The following ATF6 variants were observed in gnomAD, a reference collection of about 807,000 sequenced individuals.
The protein encoded by ATF6 is activating transcription factor 6.
In ATF6, 53 loss-of-function variants were observed where a neutral mutation model predicts 83.6. The observed-to-expected ratio is 0.63, with a 90% CI of 0.51 to 0.80. The LOEUF is 0.80. ATF6 is among the 30% of genes least tolerant of loss of function. The pLI is 0.00. For missense variants in ATF6, 744 were observed against 797.9 expected, an observed-to-expected ratio of 0.93 and a Z score of 0.81; for synonymous variants, 288 against 285.8, an observed-to-expected ratio of 1.01 and a Z score of -0.08.
intron 14 of ATF6, 65 bp downstream of exon 14, chr1:161,863,377 C>A: frequency 1.9e-6 from 2 of 1,038,836 alleles, no homozygotes; most frequent in Non-Finnish European, 3.0e-6. Context: ...AGACATTGGG[C>A]TGAATATTGT....
Position 161,924,049 on chromosome 1 carries a change from G to A in ATF6, c.1804+11669G>A, listed in dbSNP as rs892876418. Among the ~76,000 whole-genome samples, 10 of 152,020 alleles carry A rather than the reference G, an allele frequency of 6.6e-5. No individual in the cohort carries two copies. The East Asian group carries it at 1.5e-3, about 23-fold the overall frequency. ...CCTCCTAATGGATTTATCTTTGTACGGGGAAATCAAGAACCTTGCACTTTG... is the reference window on the plus strand; with the variant it reads ...CCTCCTAATGGATTTATCTTTGTACAGGGAAATCAAGAACCTTGCACTTTG... On this transcript the variant is annotated intron_variant, in intron 15 of 15. Transcript: ENST00000367942.
At chr1:161,849,213 C>A (rs541651510) in intron 10 of ATF6, among the ~76,000 whole-genome samples, 1 of 152,252 alleles carries the variant, frequency 6.6e-6, no homozygotes, top group African/African-American at 2.4e-5. Context: ...TTCCTTCTCA[C>A]TCAATGCTTC....
chr1:161,885,948 T>C (rs765672474), intron 14 of ATF6, among the ~76,000 whole-genome samples: 1 of 152,238 alleles, frequency 6.6e-6, no homozygotes, highest in Non-Finnish European at 1.5e-5. Context: ...AGCTGTTTTA[T>C]AGAAGTCATT....
intron 9 of ATF6, among the ~76,000 whole-genome samples, chr1:161,821,404 T>C (rs1034010392): frequency 6.6e-6 from 1 of 152,172 alleles, no homozygotes; most frequent in Non-Finnish European, 1.5e-5. Context: ...CCTAACATAA[T>C]ATAGAGTACG....
intron 13 of ATF6, among the ~76,000 whole-genome samples, chr1:161,861,112 A>G (rs776577130): frequency 1.5e-4 from 23 of 152,206 alleles, no homozygotes; most frequent in Non-Finnish European, 2.5e-4. Context: ...AGCATGGTAC[A>G]TAAGTGCCCC....
chr1:161,894,162 AT>A (rs777001671), intron 14 of ATF6, among the ~76,000 whole-genome samples: 5 of 151,414 alleles, frequency 3.3e-5, no homozygotes, highest in Non-Finnish European at 7.4e-5. Context: ...TTTGCCTGTT[AT>A]TAGTACTTGT....
intron 15 of ATF6, among the ~76,000 whole-genome samples, chr1:161,939,106 T>C (rs997188141): frequency 6.6e-5 from 10 of 152,222 alleles, no homozygotes; most frequent in African/African-American, 2.4e-4. Context: ...CCATATTATC[T>C]TCTCCATCCT....
intron 15 of ATF6, among the ~76,000 whole-genome samples, chr1:161,922,289 T>A (rs1023446085): frequency 4.6e-5 from 7 of 152,160 alleles, no homozygotes; most frequent in Admixed American, 2.0e-4. Context: ...GGACAGTCTG[T>A]CCCCACATTA....
At chr1:161,910,855 A>G (rs1008216707) in intron 14 of ATF6, among the ~76,000 whole-genome samples, 3 of 152,188 alleles carry the variant, frequency 2.0e-5, no homozygotes, top group African/African-American at 4.8e-5. Flanking sequence ...CCTTGCTGCA[A>G]TGCTGGAATT....
At chr1:161,812,046 A>G (rs1685478448) in intron 7 of ATF6, among the ~76,000 whole-genome samples, 1 of 152,232 alleles carries the variant, frequency 6.6e-6, no homozygotes, top group Non-Finnish European at 1.5e-5. Flanking sequence ...TGAAGGAATC[A>G]ACTAGCTAAG....
chr1:161,945,043 C>A (rs956312387), intron 15 of ATF6, among the ~76,000 whole-genome samples: 1 of 152,294 alleles, frequency 6.6e-6, no homozygotes, highest in African/African-American at 2.4e-5. Flanking sequence ...GAGGTGGTGT[C>A]CATATCCTTA....
chr1:161,783,685 G>A (rs1356333676), intron 3 of ATF6, among the ~76,000 whole-genome samples: 1 of 151,616 alleles, frequency 6.6e-6, no homozygotes, highest in Non-Finnish European at 1.5e-5. Flanking sequence ...GACAACCACT[G>A]TTACCAGTTT....
chr1:161,768,325 A>G (rs573694976), intron 1 of ATF6, among the ~76,000 whole-genome samples: 39 of 152,330 alleles, frequency 2.6e-4, no homozygotes, highest in Non-Finnish European at 3.8e-4. Flanking sequence ...TCTATCGGGT[A>G]TCCTGCCCTG....
intron 15 of ATF6, among the ~76,000 whole-genome samples, chr1:161,925,401 G>C (rs1688292795): frequency 1.3e-5 from 2 of 152,048 alleles, no homozygotes; most frequent in South Asian, 2.1e-4. Flanking sequence ...TTTATTTGCT[G>C]ATTTGGATTT....
At chr1:161,838,458 G>A (rs1373370974) in intron 9 of ATF6, among the ~76,000 whole-genome samples, 4 of 152,174 alleles carry the variant, frequency 2.6e-5, no homozygotes, top group Non-Finnish European at 2.9e-5. Context: ...CTTTGCCTCC[G>A]TGGAGTGTTA....
chr1:161,913,085 C>T (rs141051084), intron 15 of ATF6, among the ~76,000 whole-genome samples: 323 of 152,182 alleles, frequency 2.1e-3, no homozygotes, highest in Non-Finnish European at 3.9e-3. Flanking sequence ...ACTCCCATTA[C>T]CAGTTGTGGA....
intron 12 of ATF6, among the ~76,000 whole-genome samples, chr1:161,855,461 T>C (rs921668912): frequency 6.6e-6 from 1 of 152,194 alleles, no homozygotes; most frequent in Non-Finnish European, 1.5e-5. Flanking sequence ...AAGTTTGTTA[T>C]GGCTATTAGG....
chr1:161,868,931 G>T (rs760237089), intron 14 of ATF6, among the ~76,000 whole-genome samples: 7 of 152,124 alleles, frequency 4.6e-5, no homozygotes, highest in Non-Finnish European at 2.9e-5. Context: ...AAAATTATTT[G>T]TTGGCAGCAT....
At chr1:161,870,454 T>G (rs1459221877) in intron 14 of ATF6, among the ~76,000 whole-genome samples, 1 of 151,776 alleles carries the variant, frequency 6.6e-6, no homozygotes, top group Non-Finnish European at 1.5e-5. Flanking sequence ...GGAAGTAGTT[T>G]AGCAAAAACA....
Sources: gnomAD v4.1 joint callset for allele counts (sites outside exome capture counted in the v4.1 genomes callset) on GRCh38, gnomAD v4.1.1 for gene constraint, MANE v1.5 for transcripts, NCBI Gene and HGNC (gene_info 2026-07-23, HGNC 2026-07-21) for gene names.